LRGUK: variants seen among roughly 807,000 people sequenced by gnomAD.
The protein encoded by LRGUK is leucine rich repeats and guanylate kinase domain containing, also known as leucine-rich repeat and guanylate kinase domain-containing protein.
Under a neutral mutation model 76.0 loss-of-function variants are expected in LRGUK, and 65 were observed. The observed-to-expected ratio is 0.85, with a 90% confidence interval of 0.70 to 1.05. The LOEUF is 1.05. LRGUK is among the 50% of genes least tolerant of loss of function. LRGUK has a pLI of 0.00. For synonymous variants in LRGUK, 268 were observed against 265.6 expected, an observed-to-expected ratio of 1.01 and a Z score of -0.09; for missense variants, 758 against 732.8, an observed-to-expected ratio of 1.03 and a Z score of -0.40.
intron 3 of LRGUK, among the ~76,000 whole-genome samples, chr7:134,142,015 C>T (rs1412442539): frequency 6.6e-6 from 1 of 152,144 alleles, no homozygotes; most frequent in East Asian, 1.9e-4. Context: ...CATGTCCTAC[C>T]CACCTCAGGG....
At chr7:134,253,522 A>C (rs764682931) in intron 18 of LRGUK, among the ~76,000 whole-genome samples, 10 of 152,222 alleles carry the variant, frequency 6.6e-5, no homozygotes, top group African/African-American at 1.2e-4. Context: ...TATGTTTAAA[A>C]TTGATGTCAG....
At chr7:134,178,088 G>A (rs1799559453) in intron 9 of LRGUK, among the ~76,000 whole-genome samples, 1 of 152,158 alleles carries the variant, frequency 6.6e-6, no homozygotes, top group Non-Finnish European at 1.5e-5. Context: ...CATTCCGCAT[G>A]CATCAAAACC....
downstream of LRGUK, among the ~76,000 whole-genome samples, chr7:134,210,567 G>A (rs1786351785): frequency 1.3e-5 from 2 of 152,156 alleles, no homozygotes; most frequent in Admixed American, 6.5e-5. Context: ...CCCTCACCCG[G>A]GAGACCTCTC....
intron 1 of LRGUK, among the ~76,000 whole-genome samples, chr7:134,134,284 A>G (rs747700139): frequency 6.6e-6 from 1 of 152,124 alleles, no homozygotes; most frequent in African/African-American, 2.4e-5. Flanking sequence ...TCCAGGGTGG[A>G]GCAGTTTAGC....
chr7:134,146,812 T>C (rs181804464), intron 4 of LRGUK, among the ~76,000 whole-genome samples: 1 of 152,326 alleles, frequency 6.6e-6, no homozygotes, highest in African/African-American at 2.4e-5. Context: ...GTGAAATCAC[T>C]ATTTTAAAGG....
At chr7:134,242,425 T>C (rs1256893050) in intron 16 of LRGUK, among the ~76,000 whole-genome samples, 4 of 151,390 alleles carry the variant, frequency 2.6e-5, no homozygotes, top group Non-Finnish European at 4.4e-5. Flanking sequence ...CTATAAACAC[T>C]TCTATGCAAA....
At chr7:134,139,304 G>T (rs984411778) in intron 2 of LRGUK, 132 bp from the exon 3 acceptor site, 1 of 617,840 alleles carries the variant, frequency 1.6e-6, no homozygotes, top group Non-Finnish European at 2.8e-6. Flanking sequence ...GCAGGCTTCA[G>T]ATTTTGTTCT....
At chr7:134,174,358 T>C (rs1167432486) in intron 7 of LRGUK, among the ~76,000 whole-genome samples, 198 bp from the exon 8 acceptor site, 1 of 152,162 alleles carries the variant, frequency 6.6e-6, no homozygotes, top group Non-Finnish European at 1.5e-5. Flanking sequence ...CGTGGTTGTG[T>C]GCATGCACAG....
intron 5 of LRGUK, among the ~76,000 whole-genome samples, chr7:134,155,391 T>C (rs994536086): frequency 2.0e-5 from 3 of 152,224 alleles, no homozygotes; most frequent in African/African-American, 7.2e-5. Context: ...TTTGTAGGGC[T>C]ATTCTGGCAG....
At chr7:134,230,831 AAAG>A (rs1319749786) in intron 16 of LRGUK, among the ~76,000 whole-genome samples, 1 of 152,238 alleles carries the variant, frequency 6.6e-6, no homozygotes, top group Non-Finnish European at 1.5e-5. Flanking sequence ...ATAAAACTAT[AAAG>A]AAGAAGTGGT....
intron 7 of LRGUK, among the ~76,000 whole-genome samples, chr7:134,169,132 AGACACACACACACACACACACACAC>A (rs1343198948): frequency 7.5e-6 from 1 of 132,508 alleles, no homozygotes; most frequent in Non-Finnish European, 1.6e-5. Context: ...GAAGGGAAGA[AGACACACACACACACACACACACAC>A]ACACACACAC....
chr7:134,266,733 T>G (rs1048212592), downstream of LRGUK, among the ~76,000 whole-genome samples: 2 of 152,150 alleles, frequency 1.3e-5, no homozygotes, highest in Admixed American at 1.3e-4. Flanking sequence ...TGAAAAATAT[T>G]TTTTTTAAAA....
At chr7:134,250,298 A>G (rs2117210778) in intron 18 of LRGUK, among the ~76,000 whole-genome samples, 1 of 152,344 alleles carries the variant, frequency 6.6e-6, no homozygotes, top group Admixed American at 6.5e-5. Flanking sequence ...AAAATCCCTA[A>G]GAATTTAATG....
chr7:134,190,574 G>A (rs547696590), intron 11 of LRGUK, among the ~76,000 whole-genome samples: 42 of 152,336 alleles, frequency 2.8e-4, no homozygotes, highest in African/African-American at 9.6e-4. Flanking sequence ...CTTAACAGTG[G>A]AAGGCAGAAT....
At chr7:134,184,473 G>A (rs974069197) in intron 11 of LRGUK, among the ~76,000 whole-genome samples, 4 of 151,994 alleles carry the variant, frequency 2.6e-5, no homozygotes, top group Non-Finnish European at 5.9e-5. Flanking sequence ...GTTTCACCAT[G>A]TTAGTCAGGA....
chr7:134,231,518 C>CCCTT (rs542271114), intron 16 of LRGUK, among the ~76,000 whole-genome samples: 1 of 146,138 alleles, frequency 6.8e-6, no homozygotes. Context: ...CTTCCTTCCT[C>CCCTT]CCTTCCTTCC....
chr7:134,143,150 CA>C lies in LRGUK; in HGVS notation c.581del (p.Asn194ThrfsTer27). ...CTACGTTCTTCAATTTCAAGCCACC[CA>C]AAAACCTCAAGGTAGACTTTATGAA... is the stretch of plus-strand genomic sequence containing the variant. On this transcript the variant is annotated frameshift_variant, in exon 4 of 16. Transcript: ENST00000645682. LOFTEE classifies it high-confidence loss of function. 2 of 1,595,826 alleles carry C rather than the reference CA, an allele frequency of 1.3e-6. No homozygotes were observed. The highest frequency in any genetic ancestry group is 1.7e-6 in the Non-Finnish European group (2 of 1,163,576).
chr7:134,129,152 CTCTT>C lies in LRGUK; in HGVS notation c.297+1503_297+1506del, dbSNP rs1426239410. Reference sequence around the variant, plus strand: ...TTTCCCTCCCTCCCTCCCTTCCTTCCTCTTTCTTTCTTTCTTTCGTTTTTTCTTC... The same window carrying C: ...TTTCCCTCCCTCCCTCCCTTCCTTCCTCTTTCTTTCTTTCGTTTTTTCTTC... On this transcript the variant is annotated intron_variant, in intron 1 of 15. Transcript: ENST00000645682. Among the ~76,000 whole-genome samples, 141 of 124,776 alleles carry C rather than the reference CTCTT, an allele frequency of 1.1e-3. 1 individual carries two copies. The highest frequency in any genetic ancestry group is 2.9e-3 in the African/African-American group (95 of 32,478). The allele number at this position is 124,776 out of a possible 152,430, so 81.9% of individuals were successfully genotyped here.
exon 16 of LRGUK, chr7:134,209,339 A>G (rs1801144719): frequency 5.0e-6 from 2 of 399,030 alleles, no homozygotes; most frequent in African/African-American, 2.1e-5. Context: ...TGATCCTCCA[A>G]AAGATTCTTC....
Sources: gnomAD v4.1 joint callset for allele counts (sites outside exome capture counted in the v4.1 genomes callset) on GRCh38, gnomAD v4.1.1 for gene constraint, MANE v1.5 for transcripts, NCBI Gene and HGNC (gene_info 2026-07-23, HGNC 2026-07-21) for gene names.